The following EIF4E variants were observed in gnomAD, a reference collection of about 807,000 sequenced individuals.
EIF4E encodes eIF-4F 25 kDa subunit.
For synonymous variants in EIF4E, 71 were observed against 88.5 expected (o/e 0.80, Z 1.11); for missense variants, 113 against 265.6 (o/e 0.43, Z 3.99).
intron 2 of EIF4E, among the ~76,000 whole-genome samples, chr4:98,896,580 T>A (rs981939485): frequency 1.2e-4 from 17 of 142,094 alleles, no homozygotes; most frequent in Admixed American, 1.4e-4. Flanking sequence ...GGGAAGGTCA[T>A]TTGAGCCCAG....
intron 1 of EIF4E, among the ~76,000 whole-genome samples, chr4:98,914,520 T>G (rs1457595939): frequency 1.3e-5 from 2 of 151,746 alleles, no homozygotes; most frequent in African/African-American, 2.4e-5. Context: ...AGAAGGAACT[T>G]AAATGTATAT....
intron 6 of EIF4E, among the ~76,000 whole-genome samples, chr4:98,882,938 T>C (rs1342682275): frequency 1.3e-5 from 2 of 152,158 alleles, no homozygotes; most frequent in Non-Finnish European, 2.9e-5. Context: ...CCATATAGCA[T>C]GAAATGTAGA....
At chr4:98,883,922 G>A (rs1052603228) in intron 6 of EIF4E, among the ~76,000 whole-genome samples, 1 of 151,442 alleles carries the variant, frequency 6.6e-6, no homozygotes, top group Non-Finnish European at 1.5e-5. Flanking sequence ...ACCTGTAGTT[G>A]CAGCTAATTG....
intron 1 of EIF4E, among the ~76,000 whole-genome samples, chr4:98,915,112 T>A (rs555040240): frequency 1.5e-4 from 23 of 152,206 alleles, no homozygotes; most frequent in Non-Finnish European, 2.6e-4. Context: ...CCCAGCTAGT[T>A]TTTTGTATTA....
intron 1 of EIF4E, chr4:98,909,825 T>C: frequency 1.4e-6 from 1 of 699,336 alleles, no homozygotes; most frequent in Non-Finnish European, 2.6e-6. Flanking sequence ...GAGTCTTAAT[T>C]TGTCTCAGGA....
chr4:98,895,305 A>G (rs1245767391), intron 2 of EIF4E: 1 of 152,272 alleles, frequency 6.6e-6, no homozygotes, highest in Non-Finnish European at 1.5e-5. Context: ...TGTGAAGCAC[A>G]GTAAAATGAG....
chr4:98,887,851 T>A lies in EIF4E; in HGVS notation c.285+38A>T. 6.3e-7 allele frequency: 1 copy of A among 1,575,910 alleles called. No homozygotes were observed. ...TCTTAATGAATACCAAATGGCCCAGTCCTATAATAAATATATAAAATCACC... is the reference window on the plus strand; with the variant it reads ...TCTTAATGAATACCAAATGGCCCAGACCTATAATAAATATATAAAATCACC... On this transcript the variant is annotated intron_variant, in intron 4 of 6. Coordinates refer to ENST00000450253, the MANE Select transcript of EIF4E (RefSeq NM_001968.5). This position sits in a 1 kb window ranked among gnomAD's most constrained non-coding sequence, Gnocchi z 4.0.
chr4:98,901,323 G>C (rs555189337), intron 2 of EIF4E, among the ~76,000 whole-genome samples: 1 of 151,546 alleles, frequency 6.6e-6, no homozygotes, highest in Non-Finnish European at 1.5e-5. Context: ...TCAGCCTCCC[G>C]AGCAGCTGGG....
At chr4:98,899,748 G>A (rs185182061) in intron 2 of EIF4E, among the ~76,000 whole-genome samples, 1 of 152,212 alleles carries the variant, frequency 6.6e-6, no homozygotes, top group East Asian at 1.9e-4. Context: ...AAAGTCAACT[G>A]TATAGACGTA....
chr4:98,889,621 G>A (rs528963826), intron 3 of EIF4E, among the ~76,000 whole-genome samples: 1 of 152,282 alleles, frequency 6.6e-6, no homozygotes, highest in East Asian at 1.9e-4. Context: ...CACATTTATA[G>A]AAAACTGAAA....
At position 98,879,724 on chromosome 4, in the gene EIF4E, C is replaced by T. The variant is rs531720107; in HGVS notation, c.*1304G>A. 1.3e-5 allele frequency: 2 copies of T among 152,212 alleles called. No homozygotes were observed. Among genetic ancestry groups the T allele is most frequent in the Admixed American group, 1.3e-4 (2 of 15,284 alleles). 9.4% of individuals were successfully genotyped at this position (152,212 alleles called of 1,614,324 possible). A position where few individuals can be genotyped will look rare whatever the true frequency, so the allele number is the denominator to read the frequency against. ...TCAATTCAGCAACCAAGTTTTACAA[C>T]CACTGTTGCTACCAATCAAATGGTG... On this transcript the variant is annotated 3_prime_UTR_variant, in exon 7 of 7. Coordinates refer to ENST00000450253, the MANE Select transcript of EIF4E (RefSeq NM_001968.5).
chr4:98,890,767 A>C (rs1320462923), intron 3 of EIF4E: 1 of 163,638 alleles, frequency 6.1e-6, no homozygotes, highest in Non-Finnish European at 1.3e-5. Context: ...ATAAAGTATC[A>C]TGATAGATAC....
At chr4:98,925,135 T>C (rs1025409804) in intron 1 of EIF4E, among the ~76,000 whole-genome samples, 10 of 152,328 alleles carry the variant, frequency 6.6e-5, no homozygotes, top group African/African-American at 2.2e-4. Context: ...GTACAGAGCA[T>C]GTTTCCAAAG....
chr4:98,918,713 T>C (rs1725512893), intron 1 of EIF4E, among the ~76,000 whole-genome samples: 1 of 152,178 alleles, frequency 6.6e-6, no homozygotes, highest in African/African-American at 2.4e-5. Flanking sequence ...GTGTAACATA[T>C]ACCATCAGAA....
intron 3 of EIF4E, among the ~76,000 whole-genome samples, chr4:98,888,424 GTA>G (rs2110181261): frequency 6.6e-6 from 1 of 152,234 alleles, no homozygotes; most frequent in South Asian, 2.1e-4. Context: ...GTATCCAAGA[GTA>G]GAATAGATCA....
In EIF4E at chr4:98,916,989, T is replaced by G. The variant is rs961178540; in HGVS notation, c.18+12106A>C. Among the ~76,000 whole-genome samples, 6 of 152,012 alleles carry G rather than the reference T, an allele frequency of 3.9e-5. No individual in the cohort carries two copies. In the South Asian group the frequency reaches 6.2e-4, roughly 16 times the overall value. ...ATATATAAAGGGCAGCAGTCCAGATTGGAGCAATGTGATTCAGGTGAATGT... is the reference window on the plus strand; with the variant it reads ...ATATATAAAGGGCAGCAGTCCAGATGGGAGCAATGTGATTCAGGTGAATGT... On this transcript the variant is annotated intron_variant, in intron 1 of 6. Transcript: ENST00000450253.
At chr4:98,921,054 A>T (rs1345118080) in intron 1 of EIF4E, among the ~76,000 whole-genome samples, 2 of 152,192 alleles carry the variant, frequency 1.3e-5, no homozygotes, top group African/African-American at 4.8e-5. Flanking sequence ...TTAAAAAAAA[A>T]TTTTATATTC....
rs201835111 is a variant in EIF4E at position 98,913,436 on chromosome 4, C to T, written c.19-11454G>A. Among the ~76,000 whole-genome samples the T allele has an allele frequency of 4.0e-4, 61 of 152,052 alleles. No individual in the cohort carries two copies. In the East Asian group the frequency reaches 7.5e-3, roughly 19 times the overall value. ...GCCTCAAACTCCTAGGCTCAAGAGA[C>T]GATACTGAATAGCTGGGACTACAGG... On this transcript the variant is annotated intron_variant, in intron 1 of 6. Transcript: ENST00000450253.
intron 6 of EIF4E, among the ~76,000 whole-genome samples, chr4:98,883,008 G>C (rs989374077): frequency 6.6e-6 from 1 of 152,140 alleles, no homozygotes; most frequent in African/African-American, 2.4e-5. Flanking sequence ...TTACATGGCT[G>C]AGAGCAATGG....
Sources: allele counts gnomAD v4.1 joint callset (sites outside exome capture counted in the v4.1 genomes callset), GRCh38; gene constraint gnomAD v4.1.1; non-coding constraint Gnocchi (gnomAD v3.1); transcripts MANE v1.5; gene names NCBI Gene and HGNC (gene_info 2026-07-23, HGNC 2026-07-21).